STK3: variants seen among roughly 807,000 people sequenced by gnomAD.
STK3 encodes serine/threonine kinase 3.
In STK3, 41 loss-of-function variants were observed where a neutral mutation model predicts 58.0. The observed-to-expected ratio is 0.71, with a 90% CI of 0.55 to 0.92. The LOEUF (loss-of-function observed/expected upper bound fraction) is 0.92, where lower values mean the gene tolerates loss of function less well. Among genes scored for constraint, STK3 ranks in the 40% least tolerant of loss-of-function variants. The probability of loss-of-function intolerance (pLI) is 0.00; values close to 1 mark genes in which losing one functional copy is unlikely to be tolerated. For missense variants in STK3, 479 were observed against 602.7 expected (o/e 0.79, Z 2.15); for synonymous variants, 170 against 191.0 (o/e 0.89, Z 0.91).
At chr8:98,720,917 T>C (rs924785104) in intron 4 of STK3, among the ~76,000 whole-genome samples, 4 of 151,968 alleles carry the variant, frequency 2.6e-5, no homozygotes, top group Admixed American at 6.6e-5. Flanking sequence ...TAAGAACAGA[T>C]ACCAGCCATA....
At chr8:98,443,593 T>C (rs1410899368) in intron 1 of STK3, among the ~76,000 whole-genome samples, 1 of 152,090 alleles carries the variant, frequency 6.6e-6, no homozygotes, top group African/African-American at 2.4e-5. Flanking sequence ...CATGCCTCTA[T>C]TCCCAGCACT....
At chr8:98,825,463 C>T (rs564979438) in intron 1 of STK3, 52 bp downstream of exon 1, 2 of 1,432,972 alleles carry the variant, frequency 1.4e-6, no homozygotes, top group South Asian at 2.7e-5. Flanking sequence ...CACCCCCGCC[C>T]CGCGGCCGCC....
the STK3 span, among the ~76,000 whole-genome samples, chr8:98,360,255 A>ACC: frequency 2.0e-5 from 3 of 152,306 alleles, no homozygotes; most frequent in African/African-American, 7.2e-5. Context: ...TGGGAGGGAC[A>ACC]CCTGGTATCT....
At chr8:98,672,375 T>C (rs1241431119) in intron 6 of STK3, among the ~76,000 whole-genome samples, 2 of 152,152 alleles carry the variant, frequency 1.3e-5, no homozygotes, top group African/African-American at 4.8e-5. Flanking sequence ...GAGAGAAACC[T>C]TGTATGGGAA....
chr8:98,929,331 A>C (rs891835714), intron 1 of STK3, among the ~76,000 whole-genome samples: 1 of 152,180 alleles, frequency 6.6e-6, no homozygotes, highest in African/African-American at 2.4e-5. Context: ...CAAGAGTCAC[A>C]CAGCTGATGA....
chr8:98,523,847 A>G (rs921234235), intron 10 of STK3, among the ~76,000 whole-genome samples: 1 of 152,196 alleles, frequency 6.6e-6, no homozygotes, highest in Admixed American at 6.5e-5. Context: ...TGTGATGCAC[A>G]CAAGTTTTCC....
intron 6 of STK3, among the ~76,000 whole-genome samples, chr8:98,669,828 C>G (rs1822685875): frequency 6.6e-6 from 1 of 152,104 alleles, no homozygotes; most frequent in Non-Finnish European, 1.5e-5. Flanking sequence ...ATGGCCTAGC[C>G]CTTCGAAGAT....
intron 1 of STK3, among the ~76,000 whole-genome samples, chr8:98,939,535 G>A (rs1840323079): frequency 6.6e-6 from 1 of 152,212 alleles, no homozygotes; most frequent in Non-Finnish European, 1.5e-5. Context: ...AGTGAGAAAT[G>A]GAACGTCCAA....
chr8:98,417,439 G>T (rs1461951675), intron 3 of STK3, among the ~76,000 whole-genome samples: 1 of 152,122 alleles, frequency 6.6e-6, no homozygotes. Context: ...GCTTGAACCT[G>T]GGAGGCGGAG....
chr8:98,495,006 C>T (rs1048618834), intron 10 of STK3, among the ~76,000 whole-genome samples: 1 of 152,234 alleles, frequency 6.6e-6, no homozygotes, highest in African/African-American at 2.4e-5. Context: ...TGCACATTCT[C>T]ATACTATAAA....
At chr8:98,840,542 G>C (rs1835931635) in intron 3 of STK3, among the ~76,000 whole-genome samples, 1 of 137,398 alleles carries the variant, frequency 7.3e-6, no homozygotes, top group Admixed American at 7.4e-5. Context: ...CTGCACTCCA[G>C]CCTGGGGCAA....
the STK3 span, among the ~76,000 whole-genome samples, chr8:98,345,709 C>G: frequency 6.6e-6 from 1 of 151,954 alleles, no homozygotes; most frequent in Non-Finnish European, 1.5e-5. Context: ...AGAAACCATC[C>G]CCAGACTGAC....
chr8:98,725,521 A>G (rs1436542660), intron 4 of STK3, among the ~76,000 whole-genome samples: 1 of 152,204 alleles, frequency 6.6e-6, no homozygotes, highest in African/African-American at 2.4e-5. Flanking sequence ...AGATCTCCAT[A>G]TAATACTGTT....
rs1449689641 is a variant in STK3 at position 98,526,830 on chromosome 8, C to T, written c.1229G>A (p.Cys410Tyr). 6.2e-7 allele frequency: 1 copy of T among 1,601,520 alleles called. No homozygotes were observed. The highest frequency in any genetic ancestry group is 1.3e-5 in the African/African-American group (1 of 74,752). Residue 410 changes from cysteine to tyrosine, a missense_variant, in exon 10 of 11, where the codon TGT becomes TAT. By Grantham distance (194) the Cys-to-Tyr change is radical. Coordinates refer to ENST00000419617, the MANE Select transcript of STK3 (RefSeq NM_006281.4). ...QDFKNKSHEN[C>Y]NQNMHEPFPM... ...GAAGGGTTCATGCATGTTCTGATTA[C>T]AGTTTTCGTGACTCTTATTCTTGAA...
At chr8:98,740,431 G>T (rs1284477384) in intron 4 of STK3, among the ~76,000 whole-genome samples, 2 of 152,156 alleles carry the variant, frequency 1.3e-5, no homozygotes, top group East Asian at 1.9e-4. Context: ...GACAGTGGGG[G>T]CCAATATTCA....
the STK3 span, among the ~76,000 whole-genome samples, chr8:98,346,777 C>A: frequency 6.6e-6 from 1 of 151,310 alleles, no homozygotes; most frequent in Admixed American, 6.6e-5. Context: ...TTATCTCCAG[C>A]AGGCCTACAC....
At chr8:98,848,607 T>C (rs1434711703) in intron 3 of STK3, among the ~76,000 whole-genome samples, 1 of 152,218 alleles carries the variant, frequency 6.6e-6, no homozygotes, top group Non-Finnish European at 1.5e-5. Context: ...ATATAAAATG[T>C]GGTGCTTTGT....
intron 10 of STK3, among the ~76,000 whole-genome samples, chr8:98,501,080 T>A (rs1465546018): frequency 6.6e-6 from 1 of 152,190 alleles, no homozygotes; most frequent in Non-Finnish European, 1.5e-5. Context: ...TGTTGTTTCC[T>A]GACTTTTTAA....
chr8:98,898,420 T>C (rs1236884655), intron 1 of STK3, among the ~76,000 whole-genome samples: 2 of 152,156 alleles, frequency 1.3e-5, no homozygotes, highest in African/African-American at 4.8e-5. Context: ...GCCAAAACAA[T>C]AGGGTCAGTT....
Sources: gnomAD v4.1 joint callset for allele counts (sites outside exome capture counted in the v4.1 genomes callset) on GRCh38, gnomAD v4.1.1 for gene constraint, MANE v1.5 for transcripts, NCBI Gene and HGNC (gene_info 2026-07-23, HGNC 2026-07-21) for gene names.